ATL3: variants seen among roughly 807,000 people sequenced by gnomAD.
ATL3 encodes the protein atlastin-3.
A neutral mutation model predicts 69.5 loss-of-function variants in ATL3; 49 were observed. That is an observed-to-expected ratio of 0.71 (90% confidence interval 0.56 to 0.89). The LOEUF is 0.89. ATL3 is among the 40% of genes least tolerant of loss of function. ATL3 has a pLI of 0.00. For synonymous variants in ATL3, 214 were observed against 224.1 expected (o/e 0.95, Z 0.40); for missense variants, 606 against 645.7 (o/e 0.94, Z 0.67).
chr11:63,671,490 C>A, upstream of ATL3: 4 of 1,458,512 alleles, frequency 2.7e-6, no homozygotes, highest in South Asian at 1.4e-5. Context: ...CGCGACGGAG[C>A]GAGCGCAGCG....
At position 63,636,278 on chromosome 11, in the gene ATL3, G is replaced by T. The variant is rs781438067; in HGVS notation, c.907C>A (p.Pro303Thr). Residue 303 changes from proline to threonine, a missense_variant, in exon 9 of 13, where the codon CCA becomes ACA. Pro to Thr is a conservative substitution (Grantham distance 38). Transcript: ENST00000398868. Reference protein sequence around the residue: ...LQALIPYVLNPSKLMEKEING... With the variant: ...LQALIPYVLNTSKLMEKEING... ...ATCTCCTTTTCCATTAACTTAGATG[G>T]GTTTAATACATACGGTATCAGTGCC... The T allele has an allele frequency of 8.7e-6, 14 of 1,613,936 alleles. No individual in the cohort carries two copies. The East Asian group carries it at 2.9e-4, about 33-fold the overall frequency.
At chr11:63,632,398 T>C (rs974267572) in intron 11 of ATL3, 2 of 859,186 alleles carry the variant, frequency 2.3e-6, no homozygotes, top group Non-Finnish European at 4.1e-6. Context: ...TAGTCGACAT[T>C]TTGATAGTAT....
chr11:63,631,708 G>T (rs1208218518), intron 11 of ATL3, among the ~76,000 whole-genome samples: 2 of 152,190 alleles, frequency 1.3e-5, no homozygotes, highest in Non-Finnish European at 2.9e-5. Context: ...TGGGACGGGT[G>T]CGGTGGCTCA....
intron 3 of ATL3, among the ~76,000 whole-genome samples, chr11:63,653,148 C>A (rs762721622): frequency 6.6e-6 from 1 of 151,840 alleles, no homozygotes; most frequent in Middle Eastern, 3.2e-3. Flanking sequence ...CTGGCCAACA[C>A]GGTGAAATCG....
rs898656137 is a variant in ATL3 at position 63,671,132 on chromosome 11, C to G, written c.46+158G>C. ...CTGGGCCCGAAGAGGGGCCCCCCCA[C>G]CACAAATTCGGAAACCGAGTGACCC... On this transcript the variant is annotated intron_variant, in intron 1 of 12. Transcript: ENST00000398868. Among the ~76,000 whole-genome samples, 3 of 152,330 alleles carry G rather than the reference C, an allele frequency of 2.0e-5. No homozygotes were observed. The East Asian group carries it at 5.8e-4, about 29-fold the overall frequency.
intron 5 of ATL3, chr11:63,650,690 T>A (rs544936772): frequency 6.6e-6 from 1 of 152,332 alleles, no homozygotes; most frequent in South Asian, 2.1e-4. Context: ...TCGCACCTGG[T>A]ACCTGTGAAT....
chr11:63,644,599 C>A (rs113390456), intron 6 of ATL3, among the ~76,000 whole-genome samples: 17,838 of 151,956 alleles, frequency 0.12, 1,162 homozygotes, highest in Middle Eastern at 0.17. Context: ...CTCTGTTGCC[C>A]AGGCTGGTCT....
At chr11:63,659,333 A>G (rs1940355512) in intron 1 of ATL3, 81 bp from the exon 2 acceptor site, 1 of 1,248,220 alleles carries the variant, frequency 8.0e-7, no homozygotes, top group African/African-American at 1.5e-5. Flanking sequence ...AAACTTCTTA[A>G]ACAGGGGACA....
At chr11:63,671,800 G>T (rs1940797422), upstream of ATL3, 3 of 1,111,004 alleles carry the variant, frequency 2.7e-6, no homozygotes, top group Non-Finnish European at 3.4e-6. Context: ...GGAAGGGGCG[G>T]GCTGGCTCGG....
intron 10 of ATL3, among the ~76,000 whole-genome samples, chr11:63,634,800 G>A (rs1011844261): frequency 6.6e-6 from 1 of 152,202 alleles, no homozygotes; most frequent in East Asian, 1.9e-4. Context: ...CAGGCACATC[G>A]CTTGAGCCAA....
rs1379387584 is a variant in ATL3, at chr11:63,631,326, T to C, written c.1253A>G (p.Glu418Gly). The change falls in exon 12 of 13, where the codon GAG (glutamate) becomes GGG (glycine). Residue 418 changes from glutamate (E) to glycine (G), a missense_variant. By Grantham distance (98) the Glu-to-Gly change is moderately conservative. Transcript: ENST00000398868. ...DFSFRYQQEL[E>G]EEIKELYENF... ...CTCATATAATTCCTTGATTTCCTCC[T>C]CCAGCTCCTGCTGGTAACGAAAGCT... The C allele has an allele frequency of 1.2e-6, 2 of 1,614,218 alleles. No individual in the cohort carries two copies. The highest frequency in any genetic ancestry group is 2.2e-5 in the East Asian group (1 of 44,880).
At chr11:63,642,884 G>C (rs186530402) in intron 8 of ATL3, among the ~76,000 whole-genome samples, 1 of 152,186 alleles carries the variant, frequency 6.6e-6, no homozygotes, top group African/African-American at 2.4e-5. Flanking sequence ...AGATAATGGA[G>C]CCCAAGAGTC....
chr11:63,633,036 T>C lies in ATL3; in HGVS notation c.1097A>G (p.Asn366Ser), dbSNP rs1217121725. 6.2e-7 allele frequency: 1 copy of C among 1,614,082 alleles called. No individual in the cohort carries two copies. Among genetic ancestry groups the C allele is most frequent in the South Asian group, 1.1e-5 (1 of 91,078 alleles). Residue 366 changes from asparagine (N) to serine (S), a missense_variant, in exon 11 of 13, where the codon AAC (asparagine) becomes AGC (serine). Physicochemically the swap from Asn to Ser is conservative, Grantham distance 46 (BLOSUM62 1). Coordinates refer to ENST00000398868, the MANE Select transcript of ATL3 (RefSeq NM_015459.5). ...AASAKDIYYN[N>S]MEEVCGGEKP... The stretch of plus-strand genomic sequence containing the variant: ...GTATGTCCCACGTACCTCTTCCATG[T>C]TGTTATAATAAATGTCCTTGGCAGA...
chr11:63,632,914 T>C (rs1430396625), intron 11 of ATL3, 112 bp downstream of exon 11: 2 of 980,130 alleles, frequency 2.0e-6, no homozygotes, highest in Admixed American at 2.2e-5. Flanking sequence ...TGAATATAAG[T>C]TTATTGCCTC....
intron 11 of ATL3, chr11:63,632,444 G>A (rs992781976): frequency 7.2e-6 from 6 of 831,544 alleles, no homozygotes; most frequent in African/African-American, 3.3e-5. Flanking sequence ...AAAAGCCCAA[G>A]TGATCCAACA....
At chr11:63,629,956 T>TA (rs1330031194) in intron 12 of ATL3, among the ~76,000 whole-genome samples, 5 of 152,062 alleles carry the variant, frequency 3.3e-5, no homozygotes, top group Non-Finnish European at 7.4e-5. Context: ...GATTTTTAAA[T>TA]AAAAAAGATA....
Position 63,659,230 on chromosome 11 carries a change from C to A in ATL3, c.69G>T (p.Lys23Asn). The A allele has an allele frequency of 6.2e-7, 1 of 1,614,106 alleles. No individual in the cohort carries two copies. The highest frequency in any genetic ancestry group is 8.5e-7 in the Non-Finnish European group (1 of 1,180,012). Residue 23 changes from lysine to asparagine, a missense_variant, in exon 2 of 13, where the codon AAG becomes AAT. Physicochemically the swap from Lys to Asn is moderately conservative, Grantham distance 94. Coordinates refer to ENST00000398868, the MANE Select transcript of ATL3 (RefSeq NM_015459.5). Reference protein sequence around the residue: ...RGADDAMESSKPGPVQVVLVQ... With the variant: ...RGADDAMESSNPGPVQVVLVQ... Reference sequence around the variant, plus strand: ...CCAAAACAACCTGCACTGGACCAGGCTTGCTGCTCTCCATGGCATCATCTA... The same window carrying A: ...CCAAAACAACCTGCACTGGACCAGGATTGCTGCTCTCCATGGCATCATCTA...
intron 5 of ATL3, 94 bp from the exon 6 acceptor site, chr11:63,646,657 A>G: frequency 1.3e-6 from 1 of 742,282 alleles, no homozygotes; most frequent in East Asian, 2.9e-5. Context: ...TTATACTGAT[A>G]CCAGACTTCT....
intron 11 of ATL3, among the ~76,000 whole-genome samples, chr11:63,632,002 T>G (rs1203781448): frequency 2.0e-5 from 3 of 151,994 alleles, no homozygotes; most frequent in Admixed American, 1.3e-4. Context: ...AAGCAAACGG[T>G]CGACTTCTGC....
Sources: gnomAD v4.1 joint callset for allele counts (sites outside exome capture counted in the v4.1 genomes callset) on GRCh38, gnomAD v4.1.1 for gene constraint, MANE v1.5 for transcripts, NCBI Gene and HGNC (gene_info 2026-07-23, HGNC 2026-07-21) for gene names.